The following ENTPD3 variants were observed in gnomAD, a reference collection of about 807,000 sequenced individuals.
ENTPD3 encodes the protein ectonucleoside triphosphate diphosphohydrolase 3, also known as CD39 antigen-like 3.
In ENTPD3, 60 loss-of-function variants were observed where a neutral mutation model predicts 51.2. The ratio of observed to expected loss-of-function variants is 1.17; its 90% CI spans 0.95 to 1.45. The LOEUF is 1.45. ENTPD3 is among the 40% of genes most tolerant of loss of function. The pLI, the probability that ENTPD3 is intolerant of heterozygous loss-of-function variation, is 0.00. For missense variants in ENTPD3, 593 were observed against 641.1 expected (o/e 0.93, Z 0.81); for synonymous variants, 221 against 238.4 (o/e 0.93, Z 0.67).
At chr3:40,425,226 T>G (rs985939765) in intron 10 of ENTPD3, among the ~76,000 whole-genome samples, 2 of 151,968 alleles carry the variant, frequency 1.3e-5, no homozygotes, top group Non-Finnish European at 2.9e-5. Context: ...GAGACCAGCC[T>G]GACCAACATG....
chr3:40,399,296 T>C (rs1955287289), intron 3 of ENTPD3, among the ~76,000 whole-genome samples: 1 of 152,232 alleles, frequency 6.6e-6, no homozygotes, highest in African/African-American at 2.4e-5. Flanking sequence ...CTTTGTTTTC[T>C]TTTCTGTTTT....
At chr3:40,412,472 C>A (rs985105725) in intron 5 of ENTPD3, among the ~76,000 whole-genome samples, 7 of 152,178 alleles carry the variant, frequency 4.6e-5, no homozygotes, top group African/African-American at 1.4e-4. Flanking sequence ...TTAGTTCCTT[C>A]TAAATTTGTA....
At position 40,419,346 on chromosome 3, in the gene ENTPD3, C is replaced by T. The variant is rs189735269; in HGVS notation, c.831+3273C>T. ...TGTTGTGATGACTTTTTGAAATAAG[C>T]TTCAGGAATTCCAAAACATTCTAAT... On this transcript the variant is annotated intron_variant, in intron 7 of 10. Coordinates refer to ENST00000301825, the MANE Select transcript of ENTPD3 (RefSeq NM_001248.4). 3.2e-3 allele frequency among the ~76,000 whole-genome samples: 481 copies of T among 150,232 alleles called. 3 individuals are homozygous for T. Among genetic ancestry groups the T allele is most frequent in the African/African-American group, 0.01 (428 of 41,478 alleles).
chr3:40,412,395 T>C (rs776902340), intron 5 of ENTPD3, among the ~76,000 whole-genome samples: 2 of 152,232 alleles, frequency 1.3e-5, no homozygotes, highest in Non-Finnish European at 2.9e-5. Flanking sequence ...ATGGCATGTC[T>C]GCACCTCAAA....
chr3:40,413,928 G>C (rs896771186), intron 5 of ENTPD3, among the ~76,000 whole-genome samples: 4 of 152,200 alleles, frequency 2.6e-5, no homozygotes, highest in Admixed American at 1.3e-4. Flanking sequence ...AATTGGAATG[G>C]ATCCTGCTTA....
Position 40,392,008 on chromosome 3 carries a change from G to A in ENTPD3, c.41-15G>A, listed in dbSNP as rs768760706. ...TACCTCCCCCTCAAGTGTCTTCTGG[G>A]TCTTCTCATTTTAGGCCTCAAGGCC... On this transcript the variant is annotated splice_polypyrimidine_tract_variant and intron_variant, in intron 2 of 10. Transcript: ENST00000301825. 1 of 1,613,842 alleles carries A rather than the reference G, an allele frequency of 6.2e-7. No individual in the cohort carries two copies. Among genetic ancestry groups the A allele is most frequent in the Admixed American group, 1.7e-5 (1 of 60,016 alleles).
chr3:40,414,771 C>G lies in ENTPD3; in HGVS notation c.528C>G (p.Ile176Met). The G allele has an allele frequency of 6.2e-7, 1 of 1,614,026 alleles. No individual in the cohort carries two copies. The highest frequency in any genetic ancestry group is 1.3e-5 in the African/African-American group (1 of 75,036). Residue 176 changes from isoleucine (I) to methionine (M), a missense_variant, in exon 6 of 11, where the codon ATC becomes ATG. Transcript: ENST00000301825. ...SQPFDFRGAQ[I>M]ISGQEEGVYG... ...CCTTTGACTTTAGGGGTGCTCAAAT[C>G]ATTTCTGGGCAAGAAGAAGGGGTAT... is the stretch of plus-strand genomic sequence containing the variant.
intron 4 of ENTPD3, among the ~76,000 whole-genome samples, chr3:40,407,113 G>A (rs1036176093): frequency 6.6e-6 from 1 of 152,144 alleles, no homozygotes; most frequent in Non-Finnish European, 1.5e-5. Flanking sequence ...ACTGGGAGTG[G>A]AGCATATTGG....
intron 5 of ENTPD3, among the ~76,000 whole-genome samples, 170 bp from the exon 6 acceptor site, chr3:40,414,511 G>A (rs1309183865): frequency 6.6e-6 from 1 of 152,190 alleles, no homozygotes; most frequent in Admixed American, 6.5e-5. Flanking sequence ...AGTTGCCCCA[G>A]AAGGCTTCAA....
At chr3:40,414,876 T>C in intron 6 of ENTPD3, 36 bp downstream of exon 6, 1 of 1,609,258 alleles carries the variant, frequency 6.2e-7, no homozygotes, top group African/African-American at 1.3e-5. Context: ...TTAATCTTAC[T>C]GTTTATCCTA....
chr3:40,422,168 CACCCCT>C (rs1955888531), intron 7 of ENTPD3, among the ~76,000 whole-genome samples: 1 of 151,880 alleles, frequency 6.6e-6, no homozygotes, highest in Non-Finnish European at 1.5e-5. Context: ...ACCCTTTTCC[CACCCCT>C]ACTTGAATTA....
Position 40,427,919 on chromosome 3 carries a change from T to C in ENTPD3, c.*411T>C, listed in dbSNP as rs939281870. 2 of 207,246 alleles carry C rather than the reference T, an allele frequency of 9.7e-6. No homozygotes were observed. Among genetic ancestry groups the C allele is most frequent in the Admixed American group, 1.1e-4 (2 of 19,034 alleles). The allele number at this position is 207,246 out of a possible 1,614,324, so 12.8% of individuals were successfully genotyped here. A position where few individuals can be genotyped will look rare whatever the true frequency, so the allele number is the denominator to read the frequency against. On this transcript the variant is annotated 3_prime_UTR_variant, in exon 11 of 11. Transcript: ENST00000301825. ...CCATTAAGCATTTCGCCAATCAGAA[T>C]CTCATTTTATAGTTTTTCCCATTGG...
intron 7 of ENTPD3, among the ~76,000 whole-genome samples, chr3:40,416,910 G>A (rs527598153): frequency 5.9e-5 from 9 of 152,150 alleles, no homozygotes; most frequent in South Asian, 4.2e-4. Flanking sequence ...GTTAACCCAC[G>A]TTCGTCCAAC....
In ENTPD3 at chr3:40,415,886, C is replaced by T. The variant is rs138960872; in HGVS notation, c.644C>T (p.Thr215Met). ...GTGCACCCGCATGGAGTGGAAACCA[C>T]GGGTGCCCTGGACTTAGGTGGTGCC... The part of the protein sequence containing the change: ...MWVHPHGVET[T>M]GALDLGGAST... The change falls in exon 7 of 11, where the codon ACG (threonine) becomes ATG (methionine). Residue 215 changes from threonine (T) to methionine (M), a missense_variant. Physicochemically the swap from Thr to Met is moderately conservative, Grantham distance 81. Coordinates refer to ENST00000301825, the MANE Select transcript of ENTPD3 (RefSeq NM_001248.4). The T allele has an allele frequency of 4.7e-4, 759 of 1,614,110 alleles. 12 individuals are homozygous for T. The South Asian group carries it at 7.1e-3, about 15-fold the overall frequency.
At chr3:40,397,973 A>G (rs1955249601) in intron 3 of ENTPD3, among the ~76,000 whole-genome samples, 1 of 152,146 alleles carries the variant, frequency 6.6e-6, no homozygotes, top group Admixed American at 6.5e-5. Flanking sequence ...CCTCTCCCCC[A>G]AAAGAATCAC....
rs1955003216 is a variant in ENTPD3, at chr3:40,389,127, TG to T, written c.40+1031del. ...CTTTAGGTTTTCCCCCAAAACACTT[TG>T]AAATGTTAACACAGATTGTAACGTC... On this transcript the variant is annotated intron_variant, in intron 2 of 10. Coordinates refer to ENST00000301825, the MANE Select transcript of ENTPD3 (RefSeq NM_001248.4). Among the ~76,000 whole-genome samples the T allele has an allele frequency of 4.6e-5, 7 of 152,356 alleles. No individual in the cohort carries two copies. In the South Asian group the frequency reaches 1.4e-3, roughly 32 times the overall value.
chr3:40,402,627 A>G (rs758743733), intron 4 of ENTPD3, among the ~76,000 whole-genome samples: 5 of 152,086 alleles, frequency 3.3e-5, no homozygotes, highest in Non-Finnish European at 7.4e-5. Context: ...CATTATTATT[A>G]TCATATTATT....
intron 7 of ENTPD3, among the ~76,000 whole-genome samples, chr3:40,418,062 C>T (rs1955788328): frequency 6.6e-6 from 1 of 152,156 alleles, no homozygotes; most frequent in Non-Finnish European, 1.5e-5. Flanking sequence ...AAATACTTCA[C>T]CTTTCTGAGG....
chr3:40,421,261 T>C (rs1416571427), intron 7 of ENTPD3, among the ~76,000 whole-genome samples: 1 of 152,046 alleles, frequency 6.6e-6, no homozygotes, highest in African/African-American at 2.4e-5. Flanking sequence ...TGACCTCAAA[T>C]GATCTGCCTG....
Sources: allele counts gnomAD v4.1 joint callset (sites outside exome capture counted in the v4.1 genomes callset), GRCh38; gene constraint gnomAD v4.1.1; transcripts MANE v1.5; gene names NCBI Gene and HGNC (gene_info 2026-07-23, HGNC 2026-07-21).